The following MAP3K2 variants were observed in gnomAD, a reference collection of about 807,000 sequenced individuals.
The protein encoded by MAP3K2 is MAP/ERK kinase kinase 2.
A neutral mutation model predicts 80.3 loss-of-function variants in MAP3K2; 24 were observed. The observed-to-expected ratio is 0.30, with a 90% CI of 0.22 to 0.42. The LOEUF (loss-of-function observed/expected upper bound fraction) is 0.42. MAP3K2 is among the 10% of genes least tolerant of loss of function. The pLI is 1.00. For synonymous variants in MAP3K2, 244 were observed against 253.7 expected (o/e 0.96, Z 0.36); for missense variants, 608 against 750.1 (o/e 0.81, Z 2.21).
rs1685711652 is a variant in MAP3K2 at position 127,306,876 on chromosome 2, T to TGTGTGTG, written c.*702_*703insCACACAC. On this transcript the variant is annotated 3_prime_UTR_variant, in exon 17 of 17. Coordinates refer to ENST00000682094, the MANE Select transcript of MAP3K2 (RefSeq NM_001371910.2). The surrounding 1 kb of genome is among the most constrained non-coding windows in gnomAD (Gnocchi z 4.7). The stretch of plus-strand genomic sequence containing the variant: ...TGTGTGTGTGTGTGTGTGTGTGTGT[T>TGTGTGTG]TTTAAGCAGAAAGCTATCCCTCAAG... 1 of 147,096 alleles carries TGTGTGTG rather than the reference T, an allele frequency of 6.8e-6. No homozygotes were observed. The highest frequency in any genetic ancestry group is 2.6e-5 in the African/African-American group (1 of 38,314). 9.1% of individuals were successfully genotyped at this position (147,096 alleles called of 1,614,324 possible). A position where few individuals can be genotyped will look rare whatever the true frequency, so the allele number is the denominator to read the frequency against.
intron 1 of MAP3K2, among the ~76,000 whole-genome samples, chr2:127,379,646 T>C (rs1238018914): frequency 6.6e-6 from 1 of 152,248 alleles, no homozygotes. Context: ...GGTACACAGC[T>C]GGTACTCAAT....
Position 127,339,078 on chromosome 2 carries a change from T to C in MAP3K2, c.5-28A>G, listed in dbSNP as rs779204020. 6 of 1,354,806 alleles carry C rather than the reference T, an allele frequency of 4.4e-6. No individual in the cohort carries two copies. The highest frequency in any genetic ancestry group is 6.3e-6 in the Non-Finnish European group (6 of 958,690). 83.9% of individuals were successfully genotyped at this position (1,354,806 alleles called of 1,614,324 possible). A position where few individuals can be genotyped will look rare whatever the true frequency, so the allele number is the denominator to read the frequency against. On this transcript the variant is annotated intron_variant, in intron 2 of 16. Coordinates refer to ENST00000682094, the MANE Select transcript of MAP3K2 (RefSeq NM_001371910.2). This position sits in a 1 kb window ranked among gnomAD's most constrained non-coding sequence, Gnocchi z 4.2. The stretch of plus-strand genomic sequence containing the variant: ...AGGTAGTTTTGAAACAACACATACA[T>C]AGAATTGTAATTGTGACATATATAT...
intron 15 of MAP3K2, among the ~76,000 whole-genome samples, chr2:127,313,383 T>C (rs1016926960): frequency 2.0e-5 from 3 of 152,172 alleles, no homozygotes; most frequent in African/African-American, 7.2e-5. Context: ...GATGCGTAGA[T>C]CATGAGCAAT....
intron 1 of MAP3K2, among the ~76,000 whole-genome samples, chr2:127,378,752 G>GTT (rs1553519569): frequency 6.6e-6 from 1 of 151,974 alleles, no homozygotes; most frequent in Non-Finnish European, 1.5e-5. Flanking sequence ...TATGGTTTTT[G>GTT]TGTTTGTTTG....
At chr2:127,346,607 A>C (rs1380027619) in intron 1 of MAP3K2, among the ~76,000 whole-genome samples, 1 of 152,102 alleles carries the variant, frequency 6.6e-6, no homozygotes, top group Non-Finnish European at 1.5e-5. Flanking sequence ...ATTATATACC[A>C]TGCACATTTG....
chr2:127,342,920 G>A (rs1002094756), intron 2 of MAP3K2, among the ~76,000 whole-genome samples: 5 of 152,022 alleles, frequency 3.3e-5, no homozygotes, highest in South Asian at 2.1e-4. Flanking sequence ...CTGCTGTTAC[G>A]CATAAAATGA....
intron 1 of MAP3K2, among the ~76,000 whole-genome samples, chr2:127,366,903 G>A (rs892682414): frequency 1.1e-4 from 12 of 108,416 alleles, no homozygotes; most frequent in Admixed American, 7.7e-4. Context: ...ACAGAGTCTC[G>A]CTTTGTCACC....
intron 1 of MAP3K2, among the ~76,000 whole-genome samples, chr2:127,346,994 G>GA (rs1260888713): frequency 2.0e-5 from 3 of 150,064 alleles, no homozygotes; most frequent in Non-Finnish European, 4.4e-5. Context: ...CTGTCTCAAG[G>GA]AAAAAAAGAA....
intron 1 of MAP3K2, among the ~76,000 whole-genome samples, chr2:127,377,436 T>G (rs1687170441): frequency 6.6e-6 from 1 of 151,904 alleles, no homozygotes; most frequent in Non-Finnish European, 1.5e-5. Context: ...AAGATTCCAG[T>G]GCACACATTC....
At position 127,351,951 on chromosome 2, in the gene MAP3K2, G is replaced by A. The variant is rs370104752; in HGVS notation, c.-65-8757C>T. Among the ~76,000 whole-genome samples the A allele has an allele frequency of 4.9e-4, 75 of 151,542 alleles. 1 individual carries two copies. Among genetic ancestry groups the A allele is most frequent in the African/African-American group, 1.6e-3 (66 of 41,244 alleles). On this transcript the variant is annotated intron_variant, in intron 1 of 16. Coordinates refer to ENST00000682094, the MANE Select transcript of MAP3K2 (RefSeq NM_001371910.2). The stretch of plus-strand genomic sequence containing the variant: ...GAGCGCAGTGGCACAATCATGGCTC[G>A]CTGCAGCCTTGACCTCTTGGGCTCA...
chr2:127,322,240 A>C lies in MAP3K2; in HGVS notation c.851T>G (p.Phe284Cys). ...CCCCTGGGTCCTTCTAGCTCTTGGA[A>C]AAGTTTTACGACCTAAAAAATGAAA... Reference protein sequence around the residue: ...HQEYNDGRKTFPRARRTQGTS... With the variant: ...HQEYNDGRKTCPRARRTQGTS... The change falls in exon 12 of 17, where the codon TTT (phenylalanine) becomes TGT (cysteine). Residue 284 changes from phenylalanine (F) to cysteine (C), a missense_variant. Transcript: ENST00000682094. This position sits in a 1 kb window ranked among gnomAD's most constrained non-coding sequence, Gnocchi z 4.2. 6.2e-7 allele frequency: 1 copy of C among 1,612,816 alleles called. No individual in the cohort carries two copies. The highest frequency in any genetic ancestry group is 8.5e-7 in the Non-Finnish European group (1 of 1,178,936).
At position 127,375,058 on chromosome 2, in the gene MAP3K2, C is replaced by A. The variant is rs7587709; in HGVS notation, c.-66+12394G>T. 2.0e-3 allele frequency among the ~76,000 whole-genome samples: 309 copies of A among 152,238 alleles called. 1 individual carries two copies. Among genetic ancestry groups the A allele is most frequent in the African/African-American group, 7.2e-3 (297 of 41,526 alleles). On this transcript the variant is annotated intron_variant, in intron 1 of 16. Transcript: ENST00000682094. ...TGCTAAAACCTCTCAAGAAATAAAA[C>A]CTGCAGTTTTATGGAAAGACGTAAA...
At chr2:127,338,681 G>A (rs1686419778) in intron 3 of MAP3K2, among the ~76,000 whole-genome samples, 1 of 152,134 alleles carries the variant, frequency 6.6e-6, no homozygotes, top group South Asian at 2.1e-4. Flanking sequence ...TATTATGGCT[G>A]CACAGAATTC....
intron 1 of MAP3K2, among the ~76,000 whole-genome samples, chr2:127,370,067 T>C (rs537093459): frequency 1.5e-5 from 2 of 135,766 alleles, no homozygotes; most frequent in South Asian, 2.2e-4. Flanking sequence ...TTAGTTTACT[T>C]AGACCATGGA....
Position 127,378,943 on chromosome 2 carries a change from T to G in MAP3K2, c.-66+8509A>C, listed in dbSNP as rs1445491932. Among the ~76,000 whole-genome samples, 6 of 151,588 alleles carry G rather than the reference T, an allele frequency of 4.0e-5. No individual in the cohort carries two copies. The East Asian group carries it at 1.2e-3, about 29-fold the overall frequency. On this transcript the variant is annotated intron_variant, in intron 1 of 16. Coordinates refer to ENST00000682094, the MANE Select transcript of MAP3K2 (RefSeq NM_001371910.2). Reference sequence around the variant, plus strand: ...GAGTAGCTGGAACTACCGGCGTGTGTGCTATCACGTCTGGCTAATTTTGTG... The same window carrying G: ...GAGTAGCTGGAACTACCGGCGTGTGGGCTATCACGTCTGGCTAATTTTGTG...
Position 127,323,988 on chromosome 2 carries a change from T to C in MAP3K2, c.752A>G (p.Asp251Gly). Residue 251 changes from aspartate (D) to glycine (G), a missense_variant, in exon 11 of 17, where the codon GAT becomes GGT. By Grantham distance (94) the Asp-to-Gly change is moderately conservative (BLOSUM62 -1). Transcript: ENST00000682094. ...PDNHQEFSDY[D>G]NPIFEKFGKG... ...TCCAAATTTCTCAAAGATAGGGTTA[T>C]CATAGTCTGTTAAGACATATAAGAT... is the stretch of plus-strand genomic sequence containing the variant. The C allele has an allele frequency of 6.7e-7, 1 of 1,493,444 alleles. No homozygotes were observed. Among genetic ancestry groups the C allele is most frequent in the Non-Finnish European group, 9.2e-7 (1 of 1,091,288 alleles). The allele number at this position is 1,493,444 out of a possible 1,614,324, so 92.5% of individuals were successfully genotyped here. A position where few individuals can be genotyped will look rare whatever the true frequency, so the allele number is the denominator to read the frequency against.
chr2:127,319,237 A>G (rs1379138735), intron 12 of MAP3K2, among the ~76,000 whole-genome samples: 1 of 18,732 alleles, frequency 5.3e-5, no homozygotes, highest in Non-Finnish European at 1.3e-4. Flanking sequence ...ATGCAAAAGA[A>G]AAAAAAAAAA....
In MAP3K2 at chr2:127,301,724, T is replaced by C. The variant is rs901598384; in HGVS notation, c.*5855A>G. ...ATGCACAATTATGAAAAATAAGAAT[T>C]CTATGAGACTGTATACAGGCAACAG... On this transcript the variant is annotated 3_prime_UTR_variant, in exon 17 of 17. Coordinates refer to ENST00000682094, the MANE Select transcript of MAP3K2 (RefSeq NM_001371910.2). 1.3e-5 allele frequency: 2 copies of C among 152,160 alleles called. No homozygotes were observed. The highest frequency in any genetic ancestry group is 2.9e-5 in the Non-Finnish European group (2 of 68,024). 9.4% of individuals were successfully genotyped at this position (152,160 alleles called of 1,614,324 possible).
At chr2:127,328,928 G>A (rs992802893) in intron 7 of MAP3K2, among the ~76,000 whole-genome samples, 8 of 151,884 alleles carry the variant, frequency 5.3e-5, no homozygotes, top group Non-Finnish European at 7.4e-5. Context: ...CATCTTTAAT[G>A]GCCATACTCA....
Sources: gnomAD v4.1 joint callset for allele counts (sites outside exome capture counted in the v4.1 genomes callset) on GRCh38, gnomAD v4.1.1 for gene constraint, Gnocchi (gnomAD v3.1) non-coding constraint, MANE v1.5 for transcripts, NCBI Gene and HGNC (gene_info 2026-07-23, HGNC 2026-07-21) for gene names.